The following PCDHAC1 variants were observed in gnomAD, a reference collection of about 807,000 sequenced individuals.
The protein encoded by PCDHAC1 is protocadherin alpha-C1.
Under a neutral mutation model 60.0 loss-of-function variants are expected in PCDHAC1, and 42 were observed. The ratio of observed to expected loss-of-function variants is 0.70; its 90% CI spans 0.55 to 0.90. PCDHAC1 has a LOEUF of 0.90. Among genes scored for constraint, PCDHAC1 ranks in the 40% least tolerant of loss-of-function variants. The probability of loss-of-function intolerance (pLI) is 0.00; values close to 1 mark genes in which losing one functional copy is unlikely to be tolerated. For missense variants in PCDHAC1, 1,160 were observed against 1,222.3 expected (o/e 0.95, Z 0.76); for synonymous variants, 468 against 499.3 (o/e 0.94, Z 0.84).
rs1428470636 is a variant in PCDHAC1 at position 140,926,517 on chromosome 5, C to G, written c.-376C>G. The G allele has an allele frequency of 5.0e-6, 1 of 201,972 alleles. No homozygotes were observed. 12.5% of individuals were successfully genotyped at this position (201,972 alleles called of 1,614,324 possible). ...GTCTCGGGGCGTCTCCCAGGCTCCG[C>G]CCTGCGCCCGCAGCCAGCGTGGTGG... On this transcript the variant is annotated 5_prime_UTR_variant, in exon 1 of 4. Coordinates refer to ENST00000253807, the MANE Select transcript of PCDHAC1 (RefSeq NM_018898.5).
At chr5:140,941,644 C>T (rs1157047813) in intron 1 of PCDHAC1, among the ~76,000 whole-genome samples, 2 of 152,034 alleles carry the variant, frequency 1.3e-5, no homozygotes, top group African/African-American at 4.8e-5. Flanking sequence ...TGTCTTCCTA[C>T]AACTTATGTC....
Position 140,928,429 on chromosome 5 carries a change from T to A in PCDHAC1, c.1537T>A (p.Phe513Ile). The A allele has an allele frequency of 6.2e-7, 1 of 1,614,146 alleles. No individual in the cohort carries two copies. The highest frequency in any genetic ancestry group is 8.5e-7 in the Non-Finnish European group (1 of 1,180,028). The part of the protein sequence containing the change: ...SSGAITAKTS[F>I]DFEQLRGFHF... ...TGGGGCCATCACTGCCAAAACTTCCTTTGACTTTGAGCAGCTCAGGGGGTT... is the reference window on the plus strand; with the variant it reads ...TGGGGCCATCACTGCCAAAACTTCCATTGACTTTGAGCAGCTCAGGGGGTT... Residue 513 changes from phenylalanine to isoleucine, a missense_variant, in exon 1 of 4, where the codon TTT (phenylalanine) becomes ATT (isoleucine). Transcript: ENST00000253807.
chr5:140,939,956 A>G (rs2092504641), intron 1 of PCDHAC1, among the ~76,000 whole-genome samples: 1 of 152,234 alleles, frequency 6.6e-6, no homozygotes, highest in Non-Finnish European at 1.5e-5. Context: ...AAATTATGTT[A>G]AAGTGTTCCA....
At chr5:140,936,163 G>A (rs2090818025) in intron 1 of PCDHAC1, among the ~76,000 whole-genome samples, 1 of 152,090 alleles carries the variant, frequency 6.6e-6, no homozygotes, top group African/African-American at 2.4e-5. Flanking sequence ...AAAGTGCTGG[G>A]ATTAGAGGCC....
intron 3 of PCDHAC1, among the ~76,000 whole-genome samples, chr5:141,007,315 C>A (rs1207897662): frequency 1.3e-5 from 2 of 148,308 alleles, no homozygotes; most frequent in Admixed American, 1.4e-4. Flanking sequence ...TTTTGGGAGG[C>A]TAAAGTGGAC....
chr5:140,967,935 A>C (rs186453952), intron 1 of PCDHAC1: 1 of 1,614,214 alleles, frequency 6.2e-7, no homozygotes, highest in Admixed American at 1.7e-5. Context: ...CTCAGTGTCA[A>C]TGACCAAGAC....
At position 140,926,782 on chromosome 5, in the gene PCDHAC1, C is replaced by G; in HGVS notation, c.-111C>G. On this transcript the variant is annotated 5_prime_UTR_variant, in exon 1 of 4. Coordinates refer to ENST00000253807, the MANE Select transcript of PCDHAC1 (RefSeq NM_018898.5). ...AGTATCCAGCCCGCAGCAGTGACGG[C>G]CGGCAGGAGCGTGCTCTTCCCCGCG... 7.1e-7 allele frequency: 1 copy of G among 1,403,504 alleles called. No homozygotes were observed. The highest frequency in any genetic ancestry group is 9.3e-7 in the Non-Finnish European group (1 of 1,078,916). The allele number at this position is 1,403,504 out of a possible 1,614,324, so 86.9% of individuals were successfully genotyped here. A position where few individuals can be genotyped will look rare whatever the true frequency, so the allele number is the denominator to read the frequency against.
intron 1 of PCDHAC1, among the ~76,000 whole-genome samples, chr5:140,973,733 C>G (rs1273705154): frequency 6.6e-6 from 1 of 152,216 alleles, no homozygotes; most frequent in Non-Finnish European, 1.5e-5. Context: ...GGCATCTGGT[C>G]TAACTCAGAA....
In PCDHAC1 at chr5:141,006,613, A is replaced by G. The variant is rs543043401; in HGVS notation, c.2582-3014A>G. 2.0e-5 allele frequency among the ~76,000 whole-genome samples: 3 copies of G among 152,308 alleles called. No individual in the cohort carries two copies. In the South Asian group the frequency reaches 6.2e-4, roughly 32 times the overall value. Reference sequence around the variant, plus strand: ...AGCAAAAGTGGAAGCAGACTGAATAAGGAGACTATTGCTGCAATTCATATA... The same window carrying G: ...AGCAAAAGTGGAAGCAGACTGAATAGGGAGACTATTGCTGCAATTCATATA... On this transcript the variant is annotated intron_variant, in intron 3 of 3. Coordinates refer to ENST00000253807, the MANE Select transcript of PCDHAC1 (RefSeq NM_018898.5).
At chr5:140,958,578 A>G (rs2095431763) in intron 1 of PCDHAC1, among the ~76,000 whole-genome samples, 1 of 152,206 alleles carries the variant, frequency 6.6e-6, no homozygotes, top group Non-Finnish European at 1.5e-5. Context: ...TGAGATTTTA[A>G]ATGAGCTTAT....
chr5:140,956,497 A>G (rs2095288493), intron 1 of PCDHAC1, among the ~76,000 whole-genome samples: 2 of 152,190 alleles, frequency 1.3e-5, no homozygotes, highest in Admixed American at 1.3e-4. Flanking sequence ...CCAGGGATGA[A>G]GCCTACTTGA....
Position 140,927,816 on chromosome 5 carries a change from A to G in PCDHAC1, c.924A>G (p.Ala308=). The G allele has an allele frequency of 1.2e-6, 2 of 1,614,198 alleles. No homozygotes were observed. Among genetic ancestry groups the G allele is most frequent in the Non-Finnish European group, 1.7e-6 (2 of 1,180,042 alleles). ...SLGPPETLLE[A]YIEARDEGVF... Reference sequence around the variant, plus strand: ...GTCCGCCTGAAACGCTCTTGGAGGCATACATTGAGGCGAGGGACGAAGGTG... The same window carrying G: ...GTCCGCCTGAAACGCTCTTGGAGGCGTACATTGAGGCGAGGGACGAAGGTG... The change falls in exon 1 of 4, where the codon GCA becomes GCG. Residue 308 remains alanine, a synonymous_variant. Coordinates refer to ENST00000253807, the MANE Select transcript of PCDHAC1 (RefSeq NM_018898.5).
intron 1 of PCDHAC1, chr5:140,969,555 C>A: frequency 1.6e-6 from 2 of 1,213,380 alleles, no homozygotes; most frequent in Non-Finnish European, 2.2e-6. Flanking sequence ...GAAGCCTTGT[C>A]CATAAAATTG....
chr5:140,967,870 G>A (rs782622860), intron 1 of PCDHAC1: 31 of 1,614,152 alleles, frequency 1.9e-5, no homozygotes, highest in Non-Finnish European at 2.5e-5. Flanking sequence ...TGGTGCTCAC[G>A]GACCTGTATA....
At chr5:140,966,463 TC>T in intron 1 of PCDHAC1, 1 of 429,360 alleles carries the variant, frequency 2.3e-6, no homozygotes, top group Non-Finnish European at 4.0e-6. Flanking sequence ...CCCTCTGTCT[TC>T]CCTTCTGTTT....
intron 3 of PCDHAC1, among the ~76,000 whole-genome samples, chr5:140,996,029 C>T (rs915903807): frequency 6.6e-6 from 1 of 152,184 alleles, no homozygotes; most frequent in Admixed American, 6.5e-5. Context: ...GTTTAATGCT[C>T]CTAGCACTTA....
intron 1 of PCDHAC1, among the ~76,000 whole-genome samples, chr5:140,942,913 G>GA (rs58669311): frequency 1.5e-4 from 23 of 148,948 alleles, no homozygotes; most frequent in Middle Eastern, 3.5e-3. Flanking sequence ...TAAGCGTGAA[G>GA]AAAAAAAAAA....
rs782406584 is a variant in PCDHAC1, at chr5:140,927,174, C to G, written c.282C>G (p.Val94=). Residue 94 remains valine (V), a synonymous_variant, in exon 1 of 4, where the codon GTC becomes GTG. Transcript: ENST00000253807. ...EQLCRAKAAC[V]LTYDLVLEDP... is the part of the protein sequence containing the mutation. Reference sequence around the variant, plus strand: ...TGTGCAGGGCCAAAGCTGCCTGCGTCTTGACCTACGACCTGGTGCTCGAGG... The same window carrying G: ...TGTGCAGGGCCAAAGCTGCCTGCGTGTTGACCTACGACCTGGTGCTCGAGG... 1.2e-6 allele frequency: 2 copies of G among 1,614,186 alleles called. No individual in the cohort carries two copies. The highest frequency in any genetic ancestry group is 8.5e-7 in the Non-Finnish European group (1 of 1,180,032).
chr5:140,942,944 T>C (rs368380576), intron 1 of PCDHAC1, among the ~76,000 whole-genome samples: 1 of 151,862 alleles, frequency 6.6e-6, no homozygotes, highest in African/African-American at 2.4e-5. Context: ...GTTTAAAGTG[T>C]AGACGTTCTG....
Sources: allele counts gnomAD v4.1 joint callset (sites outside exome capture counted in the v4.1 genomes callset), GRCh38; gene constraint gnomAD v4.1.1; transcripts MANE v1.5; gene names NCBI Gene and HGNC (gene_info 2026-07-23, HGNC 2026-07-21).